PDE8B: variants seen among roughly 807,000 people sequenced by gnomAD.
PDE8B encodes phosphodiesterase 8B, also known as high affinity cAMP-specific and IBMX-insensitive 3',5'-cyclic phosphodiesterase 8B.
In PDE8B, 26 loss-of-function variants were observed where a neutral mutation model predicts 101.3. The observed-to-expected ratio is 0.26, with a 90% CI of 0.19 to 0.36. The LOEUF (loss-of-function observed/expected upper bound fraction) is 0.36. Ranked by LOEUF, PDE8B falls within the 10% of genes least tolerant of loss-of-function variation. PDE8B has a pLI of 1.00. For missense variants in PDE8B, 810 were observed against 1,163.1 expected, an observed-to-expected ratio of 0.70 and a Z score of 4.42; for synonymous variants, 424 against 429.3, an observed-to-expected ratio of 0.99 and a Z score of 0.15.
chr5:77,134,814 G>A, the PDE8B span, among the ~76,000 whole-genome samples: 1 of 152,170 alleles, frequency 6.6e-6, no homozygotes, highest in Non-Finnish European at 1.5e-5. Context: ...AAGACAACTG[G>A]CGGCACTAGG....
the PDE8B span, among the ~76,000 whole-genome samples, chr5:77,179,282 TCTG>T: frequency 6.6e-6 from 1 of 152,266 alleles, no homozygotes; most frequent in African/African-American, 2.4e-5. Flanking sequence ...ATTTTTCTTT[TCTG>T]CCATTAGAAA....
intron 1 of PDE8B, among the ~76,000 whole-genome samples, chr5:77,303,158 T>C (rs1770358633): frequency 6.6e-6 from 1 of 152,158 alleles, no homozygotes; most frequent in African/African-American, 2.4e-5. Context: ...AAACCTAATT[T>C]CCATTTATTT....
chr5:77,312,104 T>TA, intron 2 of PDE8B, 51 bp downstream of exon 2: 12 of 1,211,070 alleles, frequency 9.9e-6, no homozygotes, highest in Non-Finnish European at 1.4e-5. Context: ...CTTTTTTTTT[T>TA]CTTTTTTTTT....
At chr5:77,139,614 G>C in the PDE8B span, 1 of 152,092 alleles carries the variant, frequency 6.6e-6, no homozygotes, top group African/African-American at 2.4e-5. Context: ...TTCTGGTTCT[G>C]TCTTTTGTGA....
intron 2 of PDE8B, among the ~76,000 whole-genome samples, chr5:77,315,409 A>T (rs1401461685): frequency 1.3e-5 from 2 of 152,200 alleles, no homozygotes; most frequent in Non-Finnish European, 2.9e-5. Context: ...CTTATTACAA[A>T]GACTATTCTT....
upstream of PDE8B, among the ~76,000 whole-genome samples, chr5:77,209,626 A>C (rs969974062): frequency 6.6e-6 from 1 of 152,176 alleles, no homozygotes; most frequent in African/African-American, 2.4e-5. Context: ...TTCTAAAGGC[A>C]TTCTTCCTCT....
rs1297659516 is a variant in PDE8B, at chr5:77,378,050, C to CA, written c.1168-22198_1168-22197insA. Among the ~76,000 whole-genome samples, 129 of 110,266 alleles carry CA rather than the reference C, an allele frequency of 1.2e-3. No individual in the cohort carries two copies. In the East Asian group the frequency reaches 0.013, roughly 11 times the overall value. 72.3% of individuals were successfully genotyped at this position (110,266 alleles called of 152,430 possible). A position where few individuals can be genotyped will look rare whatever the true frequency, so the allele number is the denominator to read the frequency against. On this transcript the variant is annotated intron_variant, in intron 10 of 21. Transcript: ENST00000264917. ...CACACACACACACACACACACACACCCCCTGTTGGTTCTTTGTCTAGAGAA... is the reference window on the plus strand; with the variant it reads ...CACACACACACACACACACACACACCACCCTGTTGGTTCTTTGTCTAGAGAA...
chr5:77,349,308 C>T, intron 7 of PDE8B, 111 bp from the exon 8 acceptor site: 1 of 1,433,316 alleles, frequency 7.0e-7, no homozygotes, highest in Non-Finnish European at 9.8e-7. Flanking sequence ...CTGGGAACTT[C>T]TTGCTTGATA....
rs1795972898 is a variant in PDE8B at position 77,418,248 on chromosome 5, A to G, written c.1931A>G (p.Asp644Gly). The change falls in exon 18 of 22, where the codon GAT (aspartate) becomes GGT (glycine). Residue 644 changes from aspartate to glycine, a missense_variant. Physicochemically the swap from Asp to Gly is moderately conservative, Grantham distance 94. Transcript: ENST00000264917. Reference sequence around the variant, plus strand: ...TCCCAGGGAAGCCTCGATCAGTTGGATGAGGTGGCAGCCCTCATTGCTGCC... The same window carrying G: ...TCCCAGGGAAGCCTCGATCAGTTGGGTGAGGTGGCAGCCCTCATTGCTGCC... Reference protein sequence around the residue: ...ERVKGSLDQLDEVAALIAATV... With the variant: ...ERVKGSLDQLGEVAALIAATV... The G allele has an allele frequency of 1.2e-6, 2 of 1,613,046 alleles. No homozygotes were observed. The highest frequency in any genetic ancestry group is 1.7e-6 in the Non-Finnish European group (2 of 1,178,998).
intron 8 of PDE8B, among the ~76,000 whole-genome samples, chr5:77,350,492 C>G (rs1780885204): frequency 6.6e-6 from 1 of 152,034 alleles, no homozygotes; most frequent in Admixed American, 6.5e-5. Flanking sequence ...CTCCCATGTT[C>G]AGAGAACAGG....
At chr5:77,368,523 C>T (rs1042948266) in intron 10 of PDE8B, among the ~76,000 whole-genome samples, 2 of 152,154 alleles carry the variant, frequency 1.3e-5, no homozygotes, top group Non-Finnish European at 2.9e-5. Flanking sequence ...GCTTACTGTC[C>T]TTTCGGAGCC....
At chr5:77,378,048 A>ACACACACCC (rs1347483439) in intron 10 of PDE8B, among the ~76,000 whole-genome samples, 1 of 93,848 alleles carries the variant, frequency 1.1e-5, no homozygotes, top group South Asian at 3.5e-4. Context: ...ACACACACAC[A>ACACACACCC]CCCCCTGTTG....
At chr5:77,153,660 C>T in the PDE8B span, among the ~76,000 whole-genome samples, 4 of 151,478 alleles carry the variant, frequency 2.6e-5, no homozygotes, top group South Asian at 2.1e-4. Context: ...CTGCAACCTC[C>T]GCCTCCCAGA....
At chr5:77,125,090 T>C in the PDE8B span, among the ~76,000 whole-genome samples, 3 of 152,190 alleles carry the variant, frequency 2.0e-5, no homozygotes, top group Non-Finnish European at 1.5e-5. Flanking sequence ...CTGGGCTGGC[T>C]TCAGTGATTC....
In PDE8B at chr5:77,418,215, T is replaced by TC. The variant is rs1370491965; in HGVS notation, c.1912-10dup. The TC allele has an allele frequency of 5.1e-6, 8 of 1,566,686 alleles. No individual in the cohort carries two copies. Among genetic ancestry groups the TC allele is most frequent in the Non-Finnish European group, 7.0e-6 (8 of 1,136,764 alleles). The stretch of plus-strand genomic sequence containing the variant: ...CCAGTGGGTAATGCTCAACCTTGCC[T>TC]CCCCATATCCCAGGGAAGCCTCGAT... On this transcript the variant is annotated splice_polypyrimidine_tract_variant and intron_variant, in intron 17 of 21. Coordinates refer to ENST00000264917, the MANE Select transcript of PDE8B (RefSeq NM_003719.5).
chr5:77,182,549 A>G, the PDE8B span, among the ~76,000 whole-genome samples: 2 of 152,154 alleles, frequency 1.3e-5, no homozygotes, highest in Non-Finnish European at 2.9e-5. Context: ...CTAACCCCTC[A>G]GTGGAAGACA....
At chr5:77,277,726 G>A (rs532252280) in intron 1 of PDE8B, among the ~76,000 whole-genome samples, 16 of 151,988 alleles carry the variant, frequency 1.1e-4, no homozygotes, top group Non-Finnish European at 2.2e-4. Context: ...TTTTTTCAGC[G>A]TAGTTTCCCC....
chr5:77,239,430 G>C (rs1755299424), intron 1 of PDE8B, among the ~76,000 whole-genome samples: 1 of 152,196 alleles, frequency 6.6e-6, no homozygotes, highest in African/African-American at 2.4e-5. Flanking sequence ...GCTTGGAGGT[G>C]ATGCTAGCAG....
At chr5:77,092,485 T>C in the PDE8B span, 3 of 152,204 alleles carry the variant, frequency 2.0e-5, no homozygotes, top group Non-Finnish European at 4.4e-5. Context: ...ACATTTAATT[T>C]TCACAGGAGG....
Sources: gnomAD v4.1 joint callset for allele counts (sites outside exome capture counted in the v4.1 genomes callset) on GRCh38, gnomAD v4.1.1 for gene constraint, MANE v1.5 for transcripts, NCBI Gene and HGNC (gene_info 2026-07-23, HGNC 2026-07-21) for gene names.